The following IDH3B variants were observed in gnomAD, a reference collection of about 807,000 sequenced individuals.
IDH3B encodes isocitrate dehydrogenase [NAD] subunit beta, mitochondrial.
Under a neutral mutation model 47.5 loss-of-function variants are expected in IDH3B, and 40 were observed. The observed-to-expected ratio is 0.84, with a 90% CI of 0.65 to 1.10. IDH3B has a LOEUF of 1.10. Ranked by LOEUF, IDH3B falls within the 50% of genes least tolerant of loss-of-function variation. IDH3B has a pLI of 0.00. For synonymous variants in IDH3B, 185 were observed against 191.0 expected, an observed-to-expected ratio of 0.97 and a Z score of 0.26; for missense variants, 450 against 505.2, an observed-to-expected ratio of 0.89 and a Z score of 1.05.
In IDH3B at chr20:2,658,457, G is replaced by C; in HGVS notation, c.*294C>G. ...TGGACAGGGCCTATGGGTGGGGCAA[G>C]GCAGCAATGACAGCCTCAGTGAAGT... On this transcript the variant is annotated 3_prime_UTR_variant, in exon 12 of 12. Transcript: ENST00000380843. The C allele has an allele frequency of 1.9e-6, 3 of 1,614,176 alleles. No homozygotes were observed. The highest frequency in any genetic ancestry group is 2.5e-6 in the Non-Finnish European group (3 of 1,180,020).
chr20:2,658,697 C>T lies in IDH3B; in HGVS notation c.*54G>A. The stretch of plus-strand genomic sequence containing the variant: ...ACAAGGTCTCTTCCCTGGTACACTG[C>T]ACTGAAGGGTATGGGGAGTGTGGTC... On this transcript the variant is annotated 3_prime_UTR_variant, in exon 12 of 12. Transcript: ENST00000380843. 6.2e-7 allele frequency: 1 copy of T among 1,614,156 alleles called. No homozygotes were observed. The highest frequency in any genetic ancestry group is 8.5e-7 in the Non-Finnish European group (1 of 1,180,024).
chr20:2,659,478 C>G, intron 11 of IDH3B, 47 bp downstream of exon 11: 1 of 1,599,682 alleles, frequency 6.3e-7, no homozygotes, highest in Non-Finnish European at 8.6e-7. Flanking sequence ...GTGCTGACAC[C>G]AGAACTACTC....
In IDH3B at chr20:2,658,462, C is replaced by T. The variant is rs1178253631; in HGVS notation, c.*289G>A. 6.2e-7 allele frequency: 1 copy of T among 1,614,030 alleles called. No homozygotes were observed. Among genetic ancestry groups the T allele is most frequent in the Non-Finnish European group, 8.5e-7 (1 of 1,180,016 alleles). On this transcript the variant is annotated 3_prime_UTR_variant, in exon 12 of 12. Coordinates refer to ENST00000380843, the MANE Select transcript of IDH3B (RefSeq NM_006899.5). Reference sequence around the variant, plus strand: ...AGGGCCTATGGGTGGGGCAAGGCAGCAATGACAGCCTCAGTGAAGTCATGG... The same window carrying T: ...AGGGCCTATGGGTGGGGCAAGGCAGTAATGACAGCCTCAGTGAAGTCATGG...
intron 4 of IDH3B, among the ~76,000 whole-genome samples, chr20:2,661,458 T>C (rs1197692898): frequency 2.6e-5 from 4 of 152,212 alleles, no homozygotes; most frequent in Non-Finnish European, 1.5e-5. Flanking sequence ...CCGGCCTTAA[T>C]GCTTTATTTT....
rs201607780 is a variant in IDH3B, at chr20:2,663,912, G to A, written c.117+13C>T. On this transcript the variant is annotated intron_variant, in intron 2 of 11. Transcript: ENST00000380843. ...AGGGTCGTAAGAGAGACCCCAGCCA[G>A]ATTCGTGCATACCTGGCTCCGCGAT... The A allele has an allele frequency of 1.9e-6, 3 of 1,613,704 alleles. No homozygotes were observed. The highest frequency in any genetic ancestry group is 1.7e-6 in the Non-Finnish European group (2 of 1,179,704).
intron 4 of IDH3B, 137 bp downstream of exon 4, chr20:2,663,309 G>A (rs2086982901): frequency 1.8e-6 from 2 of 1,094,952 alleles, no homozygotes; most frequent in Non-Finnish European, 1.4e-6. Flanking sequence ...CAATGGGAAG[G>A]AACAAATGTC....
rs1459304558 is a variant in IDH3B at position 2,660,213 on chromosome 20, TC to T, written c.769-38del. 6.2e-7 allele frequency: 1 copy of T among 1,613,946 alleles called. No individual in the cohort carries two copies. Among genetic ancestry groups the T allele is most frequent in the Non-Finnish European group, 8.5e-7 (1 of 1,179,942 alleles). ...GATGCAGGCATGAAGTAAATTCCAC[TC>T]CCCACCCTCCTCCTCCGCCCCATGA... On this transcript the variant is annotated intron_variant, in intron 8 of 11. Coordinates refer to ENST00000380843, the MANE Select transcript of IDH3B (RefSeq NM_006899.5). This position sits in a 1 kb window ranked among gnomAD's most constrained non-coding sequence, Gnocchi z 5.6.
At chr20:2,663,167 C>A (rs2086979987) in intron 4 of IDH3B, among the ~76,000 whole-genome samples, 1 of 149,862 alleles carries the variant, frequency 6.7e-6, no homozygotes. Flanking sequence ...AGAAAAGGGG[C>A]AGCTAAAAGT....
intron 4 of IDH3B, among the ~76,000 whole-genome samples, chr20:2,662,721 A>G (rs2086969661): frequency 6.6e-6 from 1 of 151,978 alleles, no homozygotes; most frequent in Non-Finnish European, 1.5e-5. Flanking sequence ...GTGGGAGGCC[A>G]AGGCGGGCAG....
Position 2,660,837 on chromosome 20 carries a change from T to C in IDH3B, c.399-8A>G, listed in dbSNP as rs201847486. The C allele has an allele frequency of 2.5e-6, 4 of 1,614,170 alleles. No homozygotes were observed. The Admixed American group carries it at 5.0e-5, about 20-fold the overall frequency. On this transcript the variant is annotated splice_polypyrimidine_tract_variant and splice_region_variant and intron_variant, in intron 5 of 11. Coordinates refer to ENST00000380843, the MANE Select transcript of IDH3B (RefSeq NM_006899.5). The surrounding 1 kb of genome is among the most constrained non-coding windows in gnomAD (Gnocchi z 5.6). ...AATAAGTCCAACTTACGCCTGAGGGTGGGCAGGGCCATCAGCTCTGCTCCT... is the reference window on the plus strand; with the variant it reads ...AATAAGTCCAACTTACGCCTGAGGGCGGGCAGGGCCATCAGCTCTGCTCCT...
In IDH3B at chr20:2,660,291, G is replaced by C; in HGVS notation, c.740C>G (p.Thr247Arg). The change falls in exon 8 of 12, where the codon ACA becomes AGA. Residue 247 changes from threonine to arginine, a missense_variant. Thr to Arg is a moderately conservative substitution (Grantham distance 71, BLOSUM62 -1). Transcript: ENST00000380843. This position sits in a 1 kb window ranked among gnomAD's most constrained non-coding sequence, Gnocchi z 5.6. ...CATGCAGCAGTTGTCTATGATCATT[G>C]TCTCAAATTTGATTTTGGGGTACAG... The part of the protein sequence containing the change: ...AELYPKIKFE[T>R]MIIDNCCMQL... The C allele has an allele frequency of 6.2e-7, 1 of 1,614,104 alleles. No individual in the cohort carries two copies. The highest frequency in any genetic ancestry group is 1.1e-5 in the South Asian group (1 of 91,070).
chr20:2,660,049 T>G lies in IDH3B; in HGVS notation c.896A>C (p.Glu299Ala), dbSNP rs1210972287. 2 of 1,613,966 alleles carry G rather than the reference T, an allele frequency of 1.2e-6. No homozygotes were observed. Among genetic ancestry groups the G allele is most frequent in the Non-Finnish European group, 1.7e-6 (2 of 1,180,006 alleles). Reference protein sequence around the residue: ...GVVPGESYSAEYAVFETGARH... With the variant: ...GVVPGESYSAAYAVFETGARH... The stretch of plus-strand genomic sequence containing the variant: ...CCTCACCGTCTCAAAGACTGCGTAT[T>G]CTGCACTATAGCTCTCACCAGGGAC... Residue 299 changes from glutamate (E) to alanine (A), a missense_variant, in exon 9 of 12, where the codon GAA (glutamate) becomes GCA (alanine). Transcript: ENST00000380843. This position sits in a 1 kb window ranked among gnomAD's most constrained non-coding sequence, Gnocchi z 5.6.
In IDH3B at chr20:2,664,175, C is replaced by A; in HGVS notation, c.14G>T (p.Ser5Ile). ...CACTCGGGTCAGCCAGCGGACTCCG[C>A]TCAATGCCGCCATGTTTCCCGCAGG... Reference protein sequence around the residue: MAALSGVRWLTRALV... With the variant: MAALIGVRWLTRALV... Residue 5 changes from serine (S) to isoleucine (I), a missense_variant, in exon 1 of 12, where the codon AGC (serine) becomes ATC (isoleucine). Coordinates refer to ENST00000380843, the MANE Select transcript of IDH3B (RefSeq NM_006899.5). The A allele has an allele frequency of 6.2e-7, 1 of 1,613,662 alleles. No individual in the cohort carries two copies. The highest frequency in any genetic ancestry group is 8.5e-7 in the Non-Finnish European group (1 of 1,179,892).
Position 2,664,190 on chromosome 20 carries a change from T to C in IDH3B, c.-2A>G. On this transcript the variant is annotated 5_prime_UTR_variant, in exon 1 of 12. Transcript: ENST00000380843. Reference sequence around the variant, plus strand: ...GCGGACTCCGCTCAATGCCGCCATGTTTCCCGCAGGAAGTCGCGTGGGAAG... The same window carrying C: ...GCGGACTCCGCTCAATGCCGCCATGCTTCCCGCAGGAAGTCGCGTGGGAAG... 2.5e-6 allele frequency: 4 copies of C among 1,613,494 alleles called. No individual in the cohort carries two copies. The highest frequency in any genetic ancestry group is 1.1e-5 in the South Asian group (1 of 90,890).
In IDH3B at chr20:2,658,404, GTTC is replaced by G. The variant is rs1450545753; in HGVS notation, c.*344_*346del. On this transcript the variant is annotated 3_prime_UTR_variant, in exon 12 of 12. Transcript: ENST00000380843. ...AACAAATTCACAAGAGTTGGTTCAT[GTTC>G]TTTATTGAACACCTTACATGGGTAT... 3 of 1,613,174 alleles carry G rather than the reference GTTC, an allele frequency of 1.9e-6. No homozygotes were observed. In the East Asian group the frequency reaches 6.7e-5, roughly 36 times the overall value.
In IDH3B at chr20:2,660,095, G is replaced by A; in HGVS notation, c.850C>T (p.Leu284=). The change falls in exon 9 of 12, where the codon CTG becomes TTG. Residue 284 remains leucine, a synonymous_variant. Coordinates refer to ENST00000380843, the MANE Select transcript of IDH3B (RefSeq NM_006899.5). The surrounding 1 kb of genome is among the most constrained non-coding windows in gnomAD (Gnocchi z 5.6). ...GNIIDNLAAG[L]VGGAGVVPGE... ...GGGACCACACCAGCTCCCCCAACCA[G>A]GCCAGCAGCCAGATTGTCAATAATG... 1.2e-6 allele frequency: 2 copies of A among 1,614,116 alleles called. No individual in the cohort carries two copies. The highest frequency in any genetic ancestry group is 1.7e-6 in the Non-Finnish European group (2 of 1,180,036).
At chr20:2,663,320 C>T in intron 4 of IDH3B, 126 bp downstream of exon 4, 2 of 1,168,510 alleles carry the variant, frequency 1.7e-6, no homozygotes, top group Non-Finnish European at 1.3e-6. Context: ...AACAAATGTC[C>T]AAATACCAAT....
chr20:2,659,240 G>C lies in IDH3B; in HGVS notation c.1071+285C>G. 5.5e-6 allele frequency: 8 copies of C among 1,443,308 alleles called. No individual in the cohort carries two copies. The South Asian group carries it at 8.8e-5, about 16-fold the overall frequency. 89.4% of individuals were successfully genotyped at this position (1,443,308 alleles called of 1,614,324 possible). On this transcript the variant is annotated intron_variant, in intron 11 of 11. Transcript: ENST00000380843. ...TGCTGTTCCACCCCCAAGGAGAGCT[G>C]CAAGTTCTGCATTCAGATGGCCCAT...
chr20:2,664,149 T>C lies in IDH3B; in HGVS notation c.36+4A>G, dbSNP rs757807525. The C allele has an allele frequency of 6.2e-7, 1 of 1,613,336 alleles. No homozygotes were observed. Among genetic ancestry groups the C allele is most frequent in the East Asian group, 2.2e-5 (1 of 44,870 alleles). On this transcript the variant is annotated splice_donor_region_variant and intron_variant, in intron 1 of 11. Coordinates refer to ENST00000380843, the MANE Select transcript of IDH3B (RefSeq NM_006899.5). ...CCCCTGCCCGACATGTCCCGGGGCC[T>C]CACTCGGGTCAGCCAGCGGACTCCG...
Sources: allele counts gnomAD v4.1 joint callset (sites outside exome capture counted in the v4.1 genomes callset), GRCh38; gene constraint gnomAD v4.1.1; non-coding constraint Gnocchi (gnomAD v3.1); transcripts MANE v1.5; gene names NCBI Gene and HGNC (gene_info 2026-07-23, HGNC 2026-07-21).